RNF32: variants seen among roughly 807,000 people sequenced by gnomAD.
RNF32 encodes ring finger protein 32.
A neutral mutation model predicts 41.0 loss-of-function variants in RNF32; 36 were observed. The ratio of observed to expected loss-of-function variants is 0.88; its 90% confidence interval spans 0.67 to 1.16. RNF32 has a LOEUF of 1.16. RNF32 is among the 50% of genes most tolerant of loss of function. The probability of loss-of-function intolerance (pLI) is 0.00; values close to 1 mark genes in which losing one functional copy is unlikely to be tolerated. For missense variants in RNF32, 413 were observed against 436.7 expected (o/e 0.95, Z 0.48); for synonymous variants, 154 against 160.9 (o/e 0.96, Z 0.32).
At chr7:156,672,745 C>T (rs1010208767) in intron 7 of RNF32, among the ~76,000 whole-genome samples, 2 of 152,196 alleles carry the variant, frequency 1.3e-5, no homozygotes, top group African/African-American at 4.8e-5. Flanking sequence ...ATATGTGGCC[C>T]GCACACTTAC....
chr7:156,658,797 G>A (rs1800140844), intron 7 of RNF32: 1 of 1,070,086 alleles, frequency 9.3e-7, no homozygotes, highest in African/African-American at 1.6e-5. Flanking sequence ...ATAAAATTAG[G>A]TTAAATCAAA....
At chr7:156,672,195 G>GTA (rs1802692104) in intron 7 of RNF32, among the ~76,000 whole-genome samples, 1 of 152,160 alleles carries the variant, frequency 6.6e-6, no homozygotes, top group African/African-American at 2.4e-5. Flanking sequence ...GATTTATTTG[G>GTA]TATATATGCA....
rs758002370 is a variant in RNF32, at chr7:156,644,733, C to T, written c.250C>T (p.Pro84Ser). 2 of 1,608,994 alleles carry T rather than the reference C, an allele frequency of 1.2e-6. No individual in the cohort carries two copies. Among genetic ancestry groups the T allele is most frequent in the Non-Finnish European group, 1.7e-6 (2 of 1,179,090 alleles). The change falls in exon 3 of 9, where the codon CCC becomes TCC. Residue 84 changes from proline (P) to serine (S), a missense_variant. By Grantham distance (74) the Pro-to-Ser change is moderately conservative (BLOSUM62 -1). Coordinates refer to ENST00000317955, the MANE Select transcript of RNF32 (RefSeq NM_030936.4). The part of the protein sequence containing the change: ...EDSEKEYVLD[P>S]KPPPLTLAQK... ...CTCAGAAAAAGAATATGTTCTTGAT[C>T]CCAAACCGCCGCCGTTGACTTTGGG...
chr7:156,666,922 C>T (rs1313351001), intron 7 of RNF32, among the ~76,000 whole-genome samples: 2 of 152,114 alleles, frequency 1.3e-5, no homozygotes, highest in East Asian at 1.9e-4. Context: ...GCTAAAAGTC[C>T]CAGACATTGT....
chr7:156,643,256 C>T (rs1334118628), intron 1 of RNF32, among the ~76,000 whole-genome samples: 1 of 152,220 alleles, frequency 6.6e-6, no homozygotes, highest in Non-Finnish European at 1.5e-5. Context: ...TCAATTGGAA[C>T]TCAAGTTGGT....
intron 7 of RNF32, among the ~76,000 whole-genome samples, chr7:156,671,542 C>T (rs1401522676): frequency 6.6e-6 from 1 of 152,192 alleles, no homozygotes; most frequent in African/African-American, 2.4e-5. Flanking sequence ...ATACGCTTGT[C>T]CATGATGCAG....
At chr7:156,675,443 TCAG>T (rs1487156112) in intron 7 of RNF32, among the ~76,000 whole-genome samples, 1 of 152,184 alleles carries the variant, frequency 6.6e-6, no homozygotes, top group Non-Finnish European at 1.5e-5. Context: ...CTTAAAATAT[TCAG>T]TATGCCAAGG....
Position 156,673,906 on chromosome 7 carries a change from T to TAAAAAA in RNF32, c.685-1779_685-1774dup, listed in dbSNP as rs3030984. 4.0e-3 allele frequency among the ~76,000 whole-genome samples: 406 copies of TAAAAAA among 100,836 alleles called. 2 individuals carry two copies. Among genetic ancestry groups the TAAAAAA allele is most frequent in the African/African-American group, 0.017 (393 of 23,680 alleles). The allele number at this position is 100,836 out of a possible 152,430, so 66.2% of individuals were successfully genotyped here. The stretch of plus-strand genomic sequence containing the variant: ...GTTCTGCCAGGTTGCTCCACATTAA[T>TAAAAAA]AAAAAAAAAAAAAAAAGAAAAAGTG... On this transcript the variant is annotated intron_variant, in intron 7 of 8. Transcript: ENST00000317955.
intron 7 of RNF32, among the ~76,000 whole-genome samples, chr7:156,668,359 T>G (rs570242205): frequency 6.6e-6 from 1 of 152,238 alleles, no homozygotes; most frequent in African/African-American, 2.4e-5. Flanking sequence ...AGTCAACAAG[T>G]TTGGCCAGAC....
At chr7:156,666,726 T>G (rs78045213) in intron 7 of RNF32, among the ~76,000 whole-genome samples, 8,146 of 152,290 alleles carry the variant, frequency 0.053, 261 homozygotes, top group South Asian at 0.07. Flanking sequence ...TCACTCAAGC[T>G]GTTCTACTAA....
At position 156,668,360 on chromosome 7, in the gene RNF32, T is replaced by C. The variant is rs201844465; in HGVS notation, c.685-7336T>C. Among the ~76,000 whole-genome samples the C allele has an allele frequency of 3.3e-5, 5 of 152,298 alleles. No individual in the cohort carries two copies. In the East Asian group the frequency reaches 7.7e-4, roughly 23 times the overall value. The stretch of plus-strand genomic sequence containing the variant: ...GATTCACTGAACTGAGTCAACAAGT[T>C]TGGCCAGACCATAAGATTCACACAG... On this transcript the variant is annotated intron_variant, in intron 7 of 8. Transcript: ENST00000317955.
At chr7:156,666,320 A>G (rs1279477294) in intron 7 of RNF32, among the ~76,000 whole-genome samples, 2 of 152,302 alleles carry the variant, frequency 1.3e-5, no homozygotes, top group African/African-American at 4.8e-5. Context: ...GAGTTAGTGA[A>G]GTCTTTTCTT....
chr7:156,675,862 A>G lies in RNF32; in HGVS notation c.851A>G (p.Gln284Arg), dbSNP rs770580934. Residue 284 changes from glutamine to arginine, a missense_variant and splice_region_variant, in exon 8 of 9, where the codon CAG becomes CGG. By Grantham distance (43) the Gln-to-Arg change is conservative (BLOSUM62 1). Coordinates refer to ENST00000317955, the MANE Select transcript of RNF32 (RefSeq NM_030936.4). ...GAGGAATGGGAGAAAATCCAAGTGC[A>G]GGTAGGTTTGGCTGGCAGCCTGGCA... is the stretch of plus-strand genomic sequence containing the variant. ...TEEEWEKIQV[Q>R]ALRRETHECS... 7 of 1,611,538 alleles carry G rather than the reference A, an allele frequency of 4.3e-6. No individual in the cohort carries two copies. Among genetic ancestry groups the G allele is most frequent in the South Asian group, 3.3e-5 (3 of 91,052 alleles).
intron 3 of RNF32, among the ~76,000 whole-genome samples, chr7:156,652,987 A>G (rs934259552): frequency 3.3e-5 from 5 of 152,212 alleles, no homozygotes; most frequent in Non-Finnish European, 5.9e-5. Context: ...TTAATTTATT[A>G]TTAAAGAAAA....
chr7:156,665,768 T>C (rs7812229), intron 7 of RNF32, among the ~76,000 whole-genome samples: 8,216 of 152,268 alleles, frequency 0.054, 580 homozygotes, highest in African/African-American at 0.16. Context: ...TGCTGAACTA[T>C]GAGAGAAATC....
Position 156,676,488 on chromosome 7 carries a change from G to A in RNF32, c.922G>A (p.Val308Met), listed in dbSNP as rs138921931. 71 of 1,613,926 alleles carry A rather than the reference G, an allele frequency of 4.4e-5. No homozygotes were observed. Among genetic ancestry groups the A allele is most frequent in the African/African-American group, 9.3e-5 (7 of 74,936 alleles). Residue 308 changes from valine to methionine, a missense_variant, in exon 9 of 9, where the codon GTG becomes ATG. Transcript: ENST00000317955. ...TCTCTCCGCTGCTGGCGGTCAGCGC[G>A]TGGGTGCAGGCAGGCGTTCCAGAGA... The part of the protein sequence containing the change: ...APLSAAGGQR[V>M]GAGRRSREMA...
Position 156,643,830 on chromosome 7 carries a change from T to A in RNF32, c.-48T>A. The A allele has an allele frequency of 6.4e-7, 1 of 1,570,414 alleles. No homozygotes were observed. Among genetic ancestry groups the A allele is most frequent in the Non-Finnish European group, 8.8e-7 (1 of 1,140,560 alleles). On this transcript the variant is annotated 5_prime_UTR_variant, in exon 2 of 9. The change abolishes the stop of an existing upstream ORF in the 5' untranslated region. Coordinates refer to ENST00000317955, the MANE Select transcript of RNF32 (RefSeq NM_030936.4). ...AGAATAGAAGGAAGGTGATAGGATG[T>A]GATGATAGAATTTGTGATAGCCAAG... is the stretch of plus-strand genomic sequence containing the variant.
chr7:156,640,663 T>TGGGGCGGGGC (rs202024647), upstream of RNF32: 1 of 328,356 alleles, frequency 3.0e-6, no homozygotes, highest in East Asian at 1.4e-4. Context: ...ATGCGCAGTA[T>TGGGGCGGGGC]GGGGCGGGGC....
chr7:156,640,206 GGGGGGATC>G, upstream of RNF32: 1 of 453,598 alleles, frequency 2.2e-6, no homozygotes, highest in Non-Finnish European at 4.4e-6. Flanking sequence ...TGAGCGGCGC[GGGGGGATC>G]GGGGGATCCC....
Sources: gnomAD v4.1 joint callset for allele counts (sites outside exome capture counted in the v4.1 genomes callset) on GRCh38, gnomAD v4.1.1 for gene constraint, MANE v1.5 for transcripts, NCBI Gene and HGNC (gene_info 2026-07-23, HGNC 2026-07-21) for gene names.